The following CXADR variants were observed in gnomAD, a reference collection of about 807,000 sequenced individuals.
CXADR encodes coxsackievirus and adenovirus receptor.
In CXADR, 20 loss-of-function variants were observed where a neutral mutation model predicts 40.3. The observed-to-expected ratio is 0.50, with a 90% CI of 0.35 to 0.72. CXADR has a LOEUF of 0.72. Among genes scored for constraint, CXADR ranks in the 30% least tolerant of loss-of-function variants. The probability of loss-of-function intolerance (pLI) is 0.01; values close to 1 mark genes in which losing one functional copy is unlikely to be tolerated. For synonymous variants in CXADR, 150 were observed against 161.3 expected (o/e 0.93, Z 0.53); for missense variants, 332 against 449.1 (o/e 0.74, Z 2.36).
the CXADR span, among the ~76,000 whole-genome samples, chr21:17,632,769 C>T: frequency 3.3e-5 from 5 of 151,736 alleles, no homozygotes; most frequent in Non-Finnish European, 5.9e-5. Flanking sequence ...CTCAGGAGGC[C>T]GAGGCAGGAG....
chr21:17,557,750 AAG>A, intron 3 of CXADR, among the ~76,000 whole-genome samples: 1 of 88,694 alleles, frequency 1.1e-5, no homozygotes, highest in East Asian at 4.6e-4. Context: ...GTGGTTCCAG[AAG>A]AAGAGCTAAT....
intron 7 of CXADR, among the ~76,000 whole-genome samples, chr21:17,578,050 T>A (rs564723832): frequency 2.4e-4 from 37 of 152,258 alleles, no homozygotes; most frequent in Admixed American, 1.2e-3. Context: ...AACATTTAGG[T>A]TGTTTCCACA....
chr21:17,558,640 C>T (rs1430940982), intron 3 of CXADR, among the ~76,000 whole-genome samples: 10 of 152,130 alleles, frequency 6.6e-5, no homozygotes, highest in Admixed American at 6.5e-4. Flanking sequence ...GGAGGGGGAG[C>T]TTCCTTGACT....
the CXADR span, among the ~76,000 whole-genome samples, chr21:17,601,338 C>T: frequency 1.3e-5 from 2 of 152,068 alleles, no homozygotes; most frequent in Non-Finnish European, 1.5e-5. Context: ...GGTTGATCTA[C>T]GGCTGGTGAC....
chr21:17,515,419 G>T (rs1249179419), intron 1 of CXADR, among the ~76,000 whole-genome samples: 2 of 151,938 alleles, frequency 1.3e-5, no homozygotes, highest in African/African-American at 2.4e-5. Flanking sequence ...CTGCTCTCGA[G>T]CCTGGGCGAC....
At chr21:17,556,685 TGTA>T (rs902088732) in intron 3 of CXADR, among the ~76,000 whole-genome samples, 6 of 152,234 alleles carry the variant, frequency 3.9e-5, no homozygotes. Context: ...GTCCAATTGA[TGTA>T]GTCTCCAGAG....
At position 17,550,376 on chromosome 21, in the gene CXADR, G is replaced by T. The variant is rs996351000; in HGVS notation, c.211-1373G>T. Among the ~76,000 whole-genome samples, 4 of 147,944 alleles carry T rather than the reference G, an allele frequency of 2.7e-5. 1 individual carries two copies. Among genetic ancestry groups the T allele is most frequent in the Admixed American group, 2.0e-4 (3 of 14,814 alleles). ...CAAAAAAAAAAAAAAAAGATCTTTG[G>T]TGGGTTGGGGTGGGGTCAGTGTGGT... On this transcript the variant is annotated intron_variant, in intron 2 of 6. Transcript: ENST00000284878.
chr21:17,591,213 T>C (rs2061432257), intron 7 of CXADR, among the ~76,000 whole-genome samples: 1 of 152,040 alleles, frequency 6.6e-6, no homozygotes, highest in African/African-American at 2.4e-5. Flanking sequence ...TTATTTAGTT[T>C]TCTGTGATCT....
chr21:17,539,709 AT>A (rs1450312539), intron 1 of CXADR, among the ~76,000 whole-genome samples: 1 of 151,750 alleles, frequency 6.6e-6, no homozygotes, highest in African/African-American at 2.4e-5. Context: ...AATGTACATA[AT>A]TTTTTTTTCT....
chr21:17,552,092 G>T, intron 3 of CXADR, 139 bp downstream of exon 3: 1 of 648,862 alleles, frequency 1.5e-6, no homozygotes, highest in Non-Finnish European at 2.6e-6. Flanking sequence ...CTTCTATGTT[G>T]GATAGCATCA....
rs371629832 is a variant in CXADR at position 17,565,702 on chromosome 21, A to G, written c.*10A>G. On this transcript the variant is annotated 3_prime_UTR_variant, in exon 7 of 7. Transcript: ENST00000284878. Reference sequence around the variant, plus strand: ...TGGGTCTATAGTATAGAGCCTCCATATGTCTCATCTGTGCTCTCCGTGTTC... The same window carrying G: ...TGGGTCTATAGTATAGAGCCTCCATGTGTCTCATCTGTGCTCTCCGTGTTC... 1.5e-5 allele frequency: 24 copies of G among 1,610,032 alleles called. No homozygotes were observed. Among genetic ancestry groups the G allele is most frequent in the Non-Finnish European group, 2.0e-5 (24 of 1,178,522 alleles).
At chr21:17,546,148 T>C (rs1035156820) in intron 1 of CXADR, among the ~76,000 whole-genome samples, 4 of 152,346 alleles carry the variant, frequency 2.6e-5, no homozygotes, top group Non-Finnish European at 4.4e-5. Flanking sequence ...TCAAAACTTA[T>C]TGCTTAGAAA....
At chr21:17,546,267 G>A (rs907792036) in intron 1 of CXADR, among the ~76,000 whole-genome samples, 1 of 152,310 alleles carries the variant, frequency 6.6e-6, no homozygotes, top group East Asian at 1.9e-4. Flanking sequence ...TACCGACAGT[G>A]ACTTAGTTCC....
At chr21:17,579,584 G>A (rs2061346140) in intron 7 of CXADR, among the ~76,000 whole-genome samples, 2 of 152,166 alleles carry the variant, frequency 1.3e-5, no homozygotes, top group South Asian at 2.1e-4. Context: ...GCGCCCCGCC[G>A]GTCTCACTTT....
At chr21:17,613,135 C>G in the CXADR span, 2 of 152,254 alleles carry the variant, frequency 1.3e-5, no homozygotes, top group South Asian at 4.1e-4. Context: ...CGGCGCGGTC[C>G]GCAGAACCGC....
At chr21:17,554,667 A>G (rs574494029) in intron 3 of CXADR, among the ~76,000 whole-genome samples, 1 of 152,328 alleles carries the variant, frequency 6.6e-6, no homozygotes, top group East Asian at 1.9e-4. Flanking sequence ...AGAAACCACC[A>G]GAATTATATT....
intron 7 of CXADR, among the ~76,000 whole-genome samples, chr21:17,584,933 A>G (rs187249967): frequency 1.8e-4 from 27 of 152,358 alleles, no homozygotes. Context: ...TTCATTTTCA[A>G]TCAGTATATT....
intron 1 of CXADR, among the ~76,000 whole-genome samples, chr21:17,533,128 T>C (rs1358602649): frequency 6.6e-6 from 1 of 152,196 alleles, no homozygotes; most frequent in East Asian, 1.9e-4. Flanking sequence ...CTGAAATAGA[T>C]AATTTAGTTC....
chr21:17,513,200 A>C (rs1450844628), intron 1 of CXADR, 28 bp downstream of exon 1: 42 of 1,349,166 alleles, frequency 3.1e-5, no homozygotes, highest in Non-Finnish European at 3.8e-5. Context: ...GGTCCTCAGC[A>C]CCCGCCCAGC....
Sources: gnomAD v4.1 joint callset for allele counts (sites outside exome capture counted in the v4.1 genomes callset) on GRCh38, gnomAD v4.1.1 for gene constraint, MANE v1.5 for transcripts, NCBI Gene and HGNC (gene_info 2026-07-23, HGNC 2026-07-21) for gene names.